The following ERCC8 variants were observed in gnomAD, a reference collection of about 807,000 sequenced individuals.
The protein encoded by ERCC8 is ERCC excision repair 8, CSA ubiquitin ligase complex subunit.
A neutral mutation model predicts 54.9 loss-of-function variants in ERCC8; 52 were observed. That is an observed-to-expected ratio of 0.95 (90% CI 0.76 to 1.19). The LOEUF is 1.19. ERCC8 is among the 50% of genes most tolerant of loss of function. The pLI, the probability that ERCC8 is intolerant of heterozygous loss-of-function variation, is 0.00. For synonymous variants in ERCC8, 146 were observed against 157.2 expected (o/e 0.93, Z 0.53); for missense variants, 514 against 466.1 (o/e 1.10, Z -0.95).
At chr5:60,944,610 A>C (rs1335952599) in intron 1 of ERCC8, among the ~76,000 whole-genome samples, 1 of 152,132 alleles carries the variant, frequency 6.6e-6, no homozygotes, top group Non-Finnish European at 1.5e-5. Context: ...CGTGGAGGGC[A>C]GTTATTCTTT....
intron 2 of ERCC8, among the ~76,000 whole-genome samples, chr5:60,925,873 G>A (rs998769330): frequency 6.6e-5 from 10 of 152,138 alleles, no homozygotes; most frequent in Non-Finnish European, 1.5e-4. Context: ...GCCCAGACTG[G>A]AGTACAGTGG....
At chr5:60,935,124 G>A (rs1750027382) in intron 1 of ERCC8, among the ~76,000 whole-genome samples, 1 of 152,088 alleles carries the variant, frequency 6.6e-6, no homozygotes, top group Non-Finnish European at 1.5e-5. Flanking sequence ...ATTGTTTTTG[G>A]CAGTATGGTT....
intron 1 of ERCC8, among the ~76,000 whole-genome samples, chr5:60,937,235 C>G (rs1750093375): frequency 6.6e-6 from 1 of 152,120 alleles, no homozygotes; most frequent in African/African-American, 2.4e-5. Flanking sequence ...GTTAAATGTA[C>G]TGGTTTTGTG....
chr5:60,918,008 C>T (rs1749487725), intron 4 of ERCC8: 1 of 446,636 alleles, frequency 2.2e-6, no homozygotes, highest in East Asian at 4.6e-5. Flanking sequence ...TCATTTAATC[C>T]TCACAACCAT....
At position 60,874,310 on chromosome 5, in the gene ERCC8, T is replaced by TA. The variant is rs1384215172; in HGVS notation, c.*304dup. The TA allele has an allele frequency of 6.8e-6, 2 of 295,484 alleles. No homozygotes were observed. Among genetic ancestry groups the TA allele is most frequent in the Non-Finnish European group, 1.3e-5 (2 of 159,660 alleles). The allele number at this position is 295,484 out of a possible 1,614,324, so 18.3% of individuals were successfully genotyped here. ...TTGCTGATCCTCTGAGACTGCATCT[T>TA]ATAGTTCATAAAATCTGCTGAAGGT... On this transcript the variant is annotated 3_prime_UTR_variant, in exon 12 of 12. Transcript: ENST00000676185.
At chr5:60,912,187 T>C (rs1400266135) in intron 4 of ERCC8, among the ~76,000 whole-genome samples, 3 of 152,172 alleles carry the variant, frequency 2.0e-5, no homozygotes, top group Non-Finnish European at 4.4e-5. Flanking sequence ...TTGGGCAGTA[T>C]GGCCATTTTC....
At chr5:60,933,221 T>TC (rs1561516806) in intron 1 of ERCC8, among the ~76,000 whole-genome samples, 5 of 131,258 alleles carry the variant, frequency 3.8e-5, no homozygotes, top group Middle Eastern at 3.4e-3. Flanking sequence ...TTTTTCTTTT[T>TC]TTTTTTTTTT....
rs1366705269 is a variant in ERCC8, at chr5:60,869,567, T to G, written c.*5048A>C. Among the ~76,000 whole-genome samples, 3 of 152,182 alleles carry G rather than the reference T, an allele frequency of 2.0e-5. No individual in the cohort carries two copies. The highest frequency in any genetic ancestry group is 4.4e-5 in the Non-Finnish European group (3 of 68,024). On this transcript the variant is annotated 3_prime_UTR_variant, in exon 12 of 12. Coordinates refer to ENST00000676185, the MANE Select transcript of ERCC8 (RefSeq NM_000082.4). ...TTAAATGGGGCTTTTTAGTATAAAC[T>G]GGACACAAGGAACACTTCAGTTCAT...
chr5:60,919,994 T>C (rs1173644420), intron 3 of ERCC8, among the ~76,000 whole-genome samples: 1 of 151,992 alleles, frequency 6.6e-6, no homozygotes, highest in Non-Finnish European at 1.5e-5. Flanking sequence ...GCCCTTTGTT[T>C]TACTGAAAAT....
Position 60,868,354 on chromosome 5 carries a change from G to A in ERCC8, c.*6261C>T, listed in dbSNP as rs746376377. Among the ~76,000 whole-genome samples, 58 of 152,220 alleles carry A rather than the reference G, an allele frequency of 3.8e-4. No homozygotes were observed. Among genetic ancestry groups the A allele is most frequent in the Admixed American group, 2.3e-3 (35 of 15,294 alleles). ...TCAGAAGAGCATGAACTCGGAGAGC[G>A]GTTATCAATCCACTAGCACAAAGTT... On this transcript the variant is annotated 3_prime_UTR_variant, in exon 12 of 12. Coordinates refer to ENST00000676185, the MANE Select transcript of ERCC8 (RefSeq NM_000082.4).
chr5:60,921,994 C>G, intron 3 of ERCC8, 60 bp downstream of exon 3: 1 of 1,178,772 alleles, frequency 8.5e-7, no homozygotes, highest in Non-Finnish European at 1.3e-6. Context: ...GTTTTGCATT[C>G]GATGCAAAAA....
At chr5:60,874,725 T>A (rs759251563) in intron 11 of ERCC8, 42 bp from the exon 12 acceptor site, 1 of 1,521,726 alleles carries the variant, frequency 6.6e-7, no homozygotes, top group East Asian at 2.3e-5. Flanking sequence ...ATTCTGTTTT[T>A]TCTACTTCAT....
intron 1 of ERCC8, 116 bp from the exon 2 acceptor site, chr5:60,929,075 C>T (rs1749832827): frequency 1.5e-6 from 1 of 678,466 alleles, no homozygotes; most frequent in Non-Finnish European, 2.7e-6. Flanking sequence ...AATCTTCTAC[C>T]ACACATCCTA....
intron 6 of ERCC8, among the ~76,000 whole-genome samples, chr5:60,903,045 T>C (rs1748946891): frequency 6.6e-6 from 1 of 151,952 alleles, no homozygotes; most frequent in Non-Finnish European, 1.5e-5. Context: ...CTGCCCAGCT[T>C]ATATTAATAA....
At chr5:60,893,352 A>G in intron 9 of ERCC8, 1 of 847,512 alleles carries the variant, frequency 1.2e-6, no homozygotes, top group Admixed American at 1.7e-5. Context: ...CTCTTGATAG[A>G]CCTGCGTTTT....
chr5:60,899,051 TA>T (rs1748800073), intron 8 of ERCC8, among the ~76,000 whole-genome samples: 2 of 149,946 alleles, frequency 1.3e-5, no homozygotes, highest in African/African-American at 4.9e-5. Context: ...GATTGTTTTA[TA>T]TAGTTTTATG....
intron 1 of ERCC8, among the ~76,000 whole-genome samples, chr5:60,937,426 G>A (rs1024452612): frequency 1.3e-5 from 2 of 152,168 alleles, no homozygotes; most frequent in East Asian, 3.9e-4. Flanking sequence ...TGGGAGCAGG[G>A]TTAGGCATGT....
chr5:60,930,968 G>A lies in ERCC8; in HGVS notation c.78-2009C>T, dbSNP rs187122114. On this transcript the variant is annotated intron_variant, in intron 1 of 11. Transcript: ENST00000676185. ...CTAAAAATACAAAAAAATTAGCCAG[G>A]TGTGGTGGGGCATGCCTATAATCCC... is the stretch of plus-strand genomic sequence containing the variant. Among the ~76,000 whole-genome samples, 38 of 152,082 alleles carry A rather than the reference G, an allele frequency of 2.5e-4. No homozygotes were observed. In the East Asian group the frequency reaches 5.3e-3, roughly 21 times the overall value.
intron 11 of ERCC8, among the ~76,000 whole-genome samples, chr5:60,885,273 C>T (rs1748363606): frequency 6.6e-6 from 1 of 152,112 alleles, no homozygotes; most frequent in East Asian, 1.9e-4. Context: ...CTCAGCCTCT[C>T]AAAGTGCTGG....
Sources: allele counts gnomAD v4.1 joint callset (sites outside exome capture counted in the v4.1 genomes callset), GRCh38; gene constraint gnomAD v4.1.1; transcripts MANE v1.5; gene names NCBI Gene and HGNC (gene_info 2026-07-23, HGNC 2026-07-21).